PRKDC: variants seen among roughly 807,000 people sequenced by gnomAD.
PRKDC encodes protein kinase, DNA-activated, catalytic subunit.
Under a neutral mutation model 486.9 loss-of-function variants are expected in PRKDC, and 82 were observed. That is an observed-to-expected ratio of 0.17 (90% CI 0.14 to 0.20). PRKDC has a LOEUF of 0.20. Among genes scored for constraint, PRKDC ranks in the 10% least tolerant of loss-of-function variants. The probability of loss-of-function intolerance (pLI) is 1.00; values close to 1 mark genes in which losing one functional copy is unlikely to be tolerated. For missense variants in PRKDC, 4,504 were observed against 5,038.2 expected, an observed-to-expected ratio of 0.89 and a Z score of 3.21; for synonymous variants, 1,895 against 1,837.0, an observed-to-expected ratio of 1.03 and a Z score of -0.81.
chr8:47,953,952 C>A, intron 5 of PRKDC, 33 bp from the exon 6 acceptor site: 1 of 1,276,900 alleles, frequency 7.8e-7, no homozygotes, highest in Non-Finnish European at 1.1e-6. Flanking sequence ...GTGAAGGCCT[C>A]AAACTACATT....
chr8:47,887,429 C>T (rs1208079390), intron 35 of PRKDC, 118 bp downstream of exon 35: 10 of 937,544 alleles, frequency 1.1e-5, no homozygotes, highest in Non-Finnish European at 1.4e-5. Context: ...GCAAATCATA[C>T]AATACTTGTC....
At chr8:47,953,156 T>C (rs192434523) in intron 7 of PRKDC, among the ~76,000 whole-genome samples, 1 of 150,020 alleles carries the variant, frequency 6.7e-6, no homozygotes, top group Non-Finnish European at 1.5e-5. Flanking sequence ...AAAAAGAAAG[T>C]AATTTGCCAG....
At position 47,864,548 on chromosome 8, in the gene PRKDC, TA is replaced by T. The variant is rs1255527602; in HGVS notation, c.5571+7del. 6.2e-7 allele frequency: 1 copy of T among 1,601,030 alleles called. No individual in the cohort carries two copies. Among genetic ancestry groups the T allele is most frequent in the Non-Finnish European group, 8.5e-7 (1 of 1,174,108 alleles). ...CACTTCTTATTACTGATTTAAGGCG[TA>T]TGATACCTTTGTAAACCTGGACTTC... On this transcript the variant is annotated splice_region_variant and intron_variant, in intron 41 of 85. Coordinates refer to ENST00000314191, the MANE Select transcript of PRKDC (RefSeq NM_006904.7).
intron 21 of PRKDC, among the ~76,000 whole-genome samples, chr8:47,921,048 T>C (rs1044112668): frequency 1.3e-5 from 2 of 152,058 alleles, no homozygotes; most frequent in Non-Finnish European, 2.9e-5. Flanking sequence ...GGTCAGGAGA[T>C]CTAGACTATC....
At chr8:47,916,897 A>G (rs2089993838) in intron 22 of PRKDC, among the ~76,000 whole-genome samples, 1 of 152,136 alleles carries the variant, frequency 6.6e-6, no homozygotes, top group African/African-American at 2.4e-5. Flanking sequence ...TTGGCCTTGC[A>G]CCCTGGATCC....
rs1399543498 is a variant in PRKDC at position 47,830,467 on chromosome 8, C to G, written c.8397+138G>C. On this transcript the variant is annotated intron_variant, in intron 61 of 85. Transcript: ENST00000314191. Reference sequence around the variant, plus strand: ...AGGACTTGGAGCAAGGTCTTTATACCAAGTCCACCGTTGAGGACAAACCAA... The same window carrying G: ...AGGACTTGGAGCAAGGTCTTTATACGAAGTCCACCGTTGAGGACAAACCAA... 4 of 1,188,148 alleles carry G rather than the reference C, an allele frequency of 3.4e-6. No homozygotes were observed. In the East Asian group the frequency reaches 1.0e-4, roughly 30 times the overall value. The allele number at this position is 1,188,148 out of a possible 1,614,324, so 73.6% of individuals were successfully genotyped here. A position where few individuals can be genotyped will look rare whatever the true frequency, so the allele number is the denominator to read the frequency against.
chr8:47,829,214 G>C (rs540031524), intron 61 of PRKDC, among the ~76,000 whole-genome samples: 1 of 152,262 alleles, frequency 6.6e-6, no homozygotes, highest in African/African-American at 2.4e-5. Flanking sequence ...AAGGAGGTGA[G>C]ACTTGTGCTG....
chr8:47,928,914 AC>A (rs2090202968), intron 19 of PRKDC, among the ~76,000 whole-genome samples, 177 bp downstream of exon 19: 1 of 151,744 alleles, frequency 6.6e-6, no homozygotes, highest in Admixed American at 6.6e-5. Context: ...CTGGTCTCGA[AC>A]TACTGACCTT....
intron 16 of PRKDC, among the ~76,000 whole-genome samples, chr8:47,932,273 C>A (rs1200388797): frequency 6.6e-6 from 1 of 152,124 alleles, no homozygotes; most frequent in African/African-American, 2.4e-5. Flanking sequence ...TTAGTAGAGA[C>A]GAGGTTTCAC....
Position 47,885,992 on chromosome 8 carries a change from A to G in PRKDC, c.4728T>C (p.Asp1576=). 6.2e-7 allele frequency: 1 copy of G among 1,613,952 alleles called. No individual in the cohort carries two copies. Among genetic ancestry groups the G allele is most frequent in the Non-Finnish European group, 8.5e-7 (1 of 1,179,886 alleles). The part of the protein sequence containing the change: ...TINTELLKNL[D]LAVLELMQSS... ...ACTGCATGAGCTCCAATACAGCAAG[A>G]TCCAGATTTTTCAATAATTCCGTGT... The change falls in exon 36 of 86, where the codon GAT becomes GAC. Residue 1576 remains aspartate (D), a synonymous_variant. Coordinates refer to ENST00000314191, the MANE Select transcript of PRKDC (RefSeq NM_006904.7).
Position 47,873,560 on chromosome 8 carries a change from C to T in PRKDC, c.5363+4164G>A, listed in dbSNP as rs146956376. Among the ~76,000 whole-genome samples, 173 of 152,284 alleles carry T rather than the reference C, an allele frequency of 1.1e-3. 1 individual carries two copies. The highest frequency in any genetic ancestry group is 3.8e-3 in the African/African-American group (157 of 41,552). On this transcript the variant is annotated intron_variant, in intron 40 of 85. Transcript: ENST00000314191. Reference sequence around the variant, plus strand: ...TCAGTATATCGAAGAGGTACTTGCACTCCCATGTTTACTGCAGCACTGTTC... The same window carrying T: ...TCAGTATATCGAAGAGGTACTTGCATTCCCATGTTTACTGCAGCACTGTTC...
chr8:47,907,495 T>A (rs1419491992), intron 25 of PRKDC, among the ~76,000 whole-genome samples: 2 of 149,682 alleles, frequency 1.3e-5, no homozygotes, highest in African/African-American at 4.9e-5. Flanking sequence ...ATCCCAAAGG[T>A]AACCACTGTC....
In PRKDC at chr8:47,803,456, GT is replaced by G; in HGVS notation, c.9771del (p.Lys3257AsnfsTer3). ...GACTCTTTATGCAGCTCCTTCAGTA[GT>G]TTCATAGCAAGTGAGAAATTGTTCT... ...RKQNNFSLAM[K>X]LLKELHKESK... is the part of the protein sequence containing the mutation. On this transcript the variant is annotated frameshift_variant, in exon 70 of 86. Coordinates refer to ENST00000314191, the MANE Select transcript of PRKDC (RefSeq NM_006904.7). LOFTEE classifies it high-confidence loss of function. 1 of 1,613,956 alleles carries G rather than the reference GT, an allele frequency of 6.2e-7. No individual in the cohort carries two copies. Among genetic ancestry groups the G allele is most frequent in the East Asian group, 2.2e-5 (1 of 44,880 alleles).
At chr8:47,828,490 G>T in intron 61 of PRKDC, 143 bp from the exon 62 acceptor site, 2 of 646,836 alleles carry the variant, frequency 3.1e-6, no homozygotes, top group Non-Finnish European at 5.0e-6. Flanking sequence ...GACTTAGCAG[G>T]CATTGACAAG....
intron 7 of PRKDC, among the ~76,000 whole-genome samples, chr8:47,947,155 A>C (rs1390194229): frequency 6.6e-6 from 1 of 152,142 alleles, no homozygotes; most frequent in Non-Finnish European, 1.5e-5. Flanking sequence ...AGACTGGCCG[A>C]GCATGGGGCC....
chr8:47,914,286 G>A (rs901101720), intron 23 of PRKDC, among the ~76,000 whole-genome samples: 1 of 151,848 alleles, frequency 6.6e-6, no homozygotes, highest in Non-Finnish European at 1.5e-5. Context: ...AAGCCTAATA[G>A]TCTCAAATGT....
In PRKDC at chr8:47,785,140, A is replaced by G. The variant is rs1292150633; in HGVS notation, c.11080T>C (p.Phe3694Leu). Reference sequence around the variant, plus strand: ...GGAATCTCCAGCTCATTTCTCAGGAACTCCACTTTGAAGTCGCTCATCCAG... The same window carrying G: ...GGAATCTCCAGCTCATTTCTCAGGAGCTCCACTTTGAAGTCGCTCATCCAG... Reference protein sequence around the residue: ...SPWMSDFKVEFLRNELEIPGQ... With the variant: ...SPWMSDFKVELLRNELEIPGQ... The change falls in exon 77 of 86, where the codon TTC (phenylalanine) becomes CTC (leucine). Residue 3694 changes from phenylalanine (F) to leucine (L), a missense_variant. By Grantham distance (22) the Phe-to-Leu change is conservative. Coordinates refer to ENST00000314191, the MANE Select transcript of PRKDC (RefSeq NM_006904.7). 1 of 1,613,682 alleles carries G rather than the reference A, an allele frequency of 6.2e-7. No homozygotes were observed. The highest frequency in any genetic ancestry group is 8.5e-7 in the Non-Finnish European group (1 of 1,179,830).
At chr8:47,803,593 A>G in intron 69 of PRKDC, 113 bp from the exon 70 acceptor site, 1 of 903,064 alleles carries the variant, frequency 1.1e-6, no homozygotes, top group Admixed American at 2.0e-5. Context: ...AGAGTAGCGA[A>G]TCCATTTCTT....
chr8:47,889,219 G>C lies in PRKDC; in HGVS notation c.4075C>G (p.Leu1359Val), dbSNP rs2089403040. The change falls in exon 33 of 86, where the codon CTG becomes GTG. Residue 1359 changes from leucine (L) to valine (V), a missense_variant. Transcript: ENST00000314191. Reference sequence around the variant, plus strand: ...TGTGTATTACACAAGTCCTTCTTCAGGAGCTGTAACAGATTGTTTGATAAA... The same window carrying C: ...TGTGTATTACACAAGTCCTTCTTCACGAGCTGTAACAGATTGTTTGATAAA... ...LNTSPEGWKL[L>V]KKDLCNTHLM... 3 of 1,603,230 alleles carry C rather than the reference G, an allele frequency of 1.9e-6. No homozygotes were observed. The highest frequency in any genetic ancestry group is 1.9e-4 in the Middle Eastern group (1 of 5,324).
Sources: gnomAD v4.1 joint callset for allele counts (sites outside exome capture counted in the v4.1 genomes callset) on GRCh38, gnomAD v4.1.1 for gene constraint, MANE v1.5 for transcripts, NCBI Gene and HGNC (gene_info 2026-07-23, HGNC 2026-07-21) for gene names.